LRMDA: variants seen among roughly 807,000 people sequenced by gnomAD.
LRMDA encodes the protein leucine rich melanocyte differentiation associated, also known as leucine-rich melanocyte differentiation-associated protein.
In LRMDA, 18 loss-of-function variants were observed where a neutral mutation model predicts 29.8. That is an observed-to-expected ratio of 0.60 (90% CI 0.42 to 0.90). The LOEUF (loss-of-function observed/expected upper bound fraction) is 0.90. Ranked by LOEUF, LRMDA falls within the 40% of genes least tolerant of loss-of-function variation. The pLI is 0.00. For missense variants in LRMDA, 273 were observed against 273.9 expected (o/e 1.00, Z 0.02); for synonymous variants, 125 against 109.4 (o/e 1.14, Z -0.89).
Position 75,499,042 on chromosome 10 carries a change from G to A in LRMDA, c.131+60548G>A, listed in dbSNP as rs528717981. ...TCTGGATGCACAGGCTGGGAACCTG[G>A]AGGCAGGAGGGAAGGGCGGTGGTGG... is the stretch of plus-strand genomic sequence containing the variant. On this transcript the variant is annotated intron_variant, in intron 2 of 6. Transcript: ENST00000611255. Among the ~76,000 whole-genome samples, 47 of 152,198 alleles carry A rather than the reference G, an allele frequency of 3.1e-4. 2 individuals carry two copies. The South Asian group carries it at 9.5e-3, about 31-fold the overall frequency.
intron 5 of LRMDA, among the ~76,000 whole-genome samples, chr10:76,078,483 A>T (rs1237512004): frequency 6.6e-6 from 1 of 152,098 alleles, no homozygotes; most frequent in East Asian, 1.9e-4. Context: ...TATCTAGAAG[A>T]TGAGGGAATT....
intron 6 of LRMDA, among the ~76,000 whole-genome samples, chr10:76,354,773 A>G (rs567547101): frequency 1.9e-4 from 29 of 152,332 alleles, no homozygotes; most frequent in African/African-American, 7.0e-4. Flanking sequence ...AAACCAGGGT[A>G]TTTGTGATAT....
chr10:75,499,571 G>A (rs770814105), intron 2 of LRMDA, among the ~76,000 whole-genome samples: 19 of 152,168 alleles, frequency 1.2e-4, no homozygotes, highest in Non-Finnish European at 2.5e-4. Flanking sequence ...CATAGTGCCT[G>A]GCAAAAAGCA....
intron 5 of LRMDA, among the ~76,000 whole-genome samples, chr10:76,133,414 A>C (rs1339747893): frequency 6.6e-6 from 1 of 151,996 alleles, no homozygotes; most frequent in Non-Finnish European, 1.5e-5. Context: ...GGCAGAAAGA[A>C]AGTTTCCCTG....
rs537297913 is a variant in LRMDA, at chr10:75,822,453, T to TA, written c.132-213546dup. Among the ~76,000 whole-genome samples the TA allele has an allele frequency of 1.5e-4, 22 of 151,634 alleles. No homozygotes were observed. The South Asian group carries it at 2.5e-3, about 17-fold the overall frequency. On this transcript the variant is annotated intron_variant, in intron 2 of 6. Coordinates refer to ENST00000611255, the MANE Select transcript of LRMDA (RefSeq NM_001305581.2). ...TACCAATGTCACTATTCGCAGAATT[T>TA]AAAAAAAAACTTAAAATTAATATGG...
intron 5 of LRMDA, among the ~76,000 whole-genome samples, chr10:76,246,965 G>A (rs550165411): frequency 6.6e-6 from 1 of 152,284 alleles, no homozygotes; most frequent in African/African-American, 2.4e-5. Flanking sequence ...CAGATCCTGG[G>A]CTAACATATT....
chr10:76,213,227 G>A (rs1372032499), intron 5 of LRMDA, among the ~76,000 whole-genome samples: 3 of 152,208 alleles, frequency 2.0e-5, no homozygotes, highest in South Asian at 2.1e-4. Context: ...ACCAGTGTTC[G>A]TTACTGGAGG....
intron 2 of LRMDA, among the ~76,000 whole-genome samples, chr10:75,507,623 T>C (rs1390174549): frequency 6.6e-6 from 1 of 152,184 alleles, no homozygotes; most frequent in Admixed American, 6.5e-5. Context: ...AGCCAGTTCC[T>C]ATTCTGTCAC....
intron 2 of LRMDA, among the ~76,000 whole-genome samples, chr10:75,771,973 A>G (rs1242222990): frequency 6.6e-6 from 1 of 152,226 alleles, no homozygotes; most frequent in East Asian, 1.9e-4. Flanking sequence ...AAGCAAAGCA[A>G]CTTACATGGA....
chr10:76,080,564 G>A (rs1006873331), intron 5 of LRMDA, among the ~76,000 whole-genome samples: 20 of 152,200 alleles, frequency 1.3e-4, no homozygotes, highest in Non-Finnish European at 5.9e-5. Flanking sequence ...GGGAAATTCT[G>A]CAATTCTGCA....
At chr10:75,713,549 TAA>T (rs1842463135) in intron 2 of LRMDA, among the ~76,000 whole-genome samples, 1 of 152,172 alleles carries the variant, frequency 6.6e-6, no homozygotes, top group Non-Finnish European at 1.5e-5. Flanking sequence ...AATAGAAATC[TAA>T]AAATACAAAA....
At chr10:76,374,528 A>G (rs1007573048) in intron 6 of LRMDA, among the ~76,000 whole-genome samples, 25 of 152,322 alleles carry the variant, frequency 1.6e-4, no homozygotes, top group African/African-American at 4.8e-4. Flanking sequence ...GAGGTAGACA[A>G]GTACTTCTGA....
chr10:76,549,693 T>C (rs750200569), intron 6 of LRMDA, among the ~76,000 whole-genome samples: 2 of 152,136 alleles, frequency 1.3e-5, no homozygotes, highest in African/African-American at 2.4e-5. Context: ...CTCTACTTTA[T>C]GATAACAATG....
At chr10:76,224,667 CTTTTTTT>C (rs35143239) in intron 5 of LRMDA, among the ~76,000 whole-genome samples, 3 of 105,376 alleles carry the variant, frequency 2.8e-5, no homozygotes, top group Non-Finnish European at 3.8e-5. Flanking sequence ...GTCTAGGACT[CTTTTTTT>C]TTTTTTTTTT....
intron 2 of LRMDA, among the ~76,000 whole-genome samples, chr10:75,850,735 G>A (rs118181154): frequency 0.014 from 2,176 of 152,276 alleles, 29 homozygotes; most frequent in Non-Finnish European, 0.019. Context: ...ACTGGAAAAT[G>A]CAGACAATCA....
At chr10:75,874,921 G>A (rs1845171303) in intron 2 of LRMDA, among the ~76,000 whole-genome samples, 1 of 152,216 alleles carries the variant, frequency 6.6e-6, no homozygotes, top group Non-Finnish European at 1.5e-5. Context: ...TCAGTTCAGT[G>A]AGCCTAAGGC....
At chr10:76,540,207 C>A (rs748261151) in intron 6 of LRMDA, among the ~76,000 whole-genome samples, 6 of 152,344 alleles carry the variant, frequency 3.9e-5, no homozygotes, top group Non-Finnish European at 8.8e-5. Context: ...CACATGTGCA[C>A]ATGTGCACAC....
chr10:75,436,629 G>A (rs887121433), intron 1 of LRMDA, among the ~76,000 whole-genome samples: 1 of 151,932 alleles, frequency 6.6e-6, no homozygotes, highest in African/African-American at 2.4e-5. Flanking sequence ...CACCATGCCC[G>A]GCTAATATTT....
chr10:75,431,747 G>A lies in LRMDA; in HGVS notation c.23G>A (p.Gly8Glu). 1.5e-6 allele frequency: 2 copies of A among 1,375,682 alleles called. No homozygotes were observed. The highest frequency in any genetic ancestry group is 1.9e-6 in the Non-Finnish European group (2 of 1,059,482). The allele number at this position is 1,375,682 out of a possible 1,614,324, so 85.2% of individuals were successfully genotyped here. Residue 8 changes from glycine to glutamate, a missense_variant, in exon 1 of 7, where the codon GGA becomes GAA. By Grantham distance (98) the Gly-to-Glu change is moderately conservative (BLOSUM62 -2). Transcript: ENST00000611255. The part of the protein sequence containing the change: MAGLVVR[G>E]TQVSYIGQDC... ...GCCATGGCCGGGCTCGTGGTGCGTGGAACTCAAGTAAGTCCCGGCCAGCCC... is the reference window on the plus strand; with the variant it reads ...GCCATGGCCGGGCTCGTGGTGCGTGAAACTCAAGTAAGTCCCGGCCAGCCC...
Sources: allele counts gnomAD v4.1 joint callset (sites outside exome capture counted in the v4.1 genomes callset), GRCh38; gene constraint gnomAD v4.1.1; transcripts MANE v1.5; gene names NCBI Gene and HGNC (gene_info 2026-07-23, HGNC 2026-07-21).